KCNT2: variants seen among roughly 807,000 people sequenced by gnomAD.
KCNT2 encodes potassium channel subfamily T member 2.
In KCNT2, 67 loss-of-function variants were observed where a neutral mutation model predicts 153.8. The ratio of observed to expected loss-of-function variants is 0.44; its 90% CI spans 0.36 to 0.53. The LOEUF is 0.53. KCNT2 is among the 20% of genes least tolerant of loss of function. The pLI, the probability that KCNT2 is intolerant of heterozygous loss-of-function variation, is 0.00. For synonymous variants in KCNT2, 500 were observed against 458.8 expected (o/e 1.09, Z -1.15); for missense variants, 975 against 1,354.8 (o/e 0.72, Z 4.40).
At chr1:196,272,700 C>T (rs1287111670) in intron 25 of KCNT2, among the ~76,000 whole-genome samples, 4 of 151,882 alleles carry the variant, frequency 2.6e-5, no homozygotes, top group African/African-American at 9.7e-5. Context: ...AAACTATAAA[C>T]ATCTTTTGTA....
At chr1:196,382,448 T>G (rs550176053) in intron 13 of KCNT2, among the ~76,000 whole-genome samples, 1 of 152,008 alleles carries the variant, frequency 6.6e-6, no homozygotes, top group Non-Finnish European at 1.5e-5. Flanking sequence ...AAAAGTTGTT[T>G]GAAAGGTGAA....
intron 23 of KCNT2, 114 bp downstream of exon 23, chr1:196,285,543 G>T: frequency 8.7e-6 from 5 of 575,602 alleles, no homozygotes; most frequent in South Asian, 5.5e-5. Flanking sequence ...ATTACTTTTG[G>T]AGCCAATTTT....
chr1:196,374,541 C>T (rs1377989156), intron 13 of KCNT2, among the ~76,000 whole-genome samples: 1 of 151,582 alleles, frequency 6.6e-6, no homozygotes, highest in Admixed American at 6.6e-5. Flanking sequence ...CTCCCCACAC[C>T]CACTTGTCAA....
chr1:196,390,685 C>T (rs987821241), intron 13 of KCNT2, among the ~76,000 whole-genome samples: 4 of 141,572 alleles, frequency 2.8e-5, no homozygotes, highest in Non-Finnish European at 6.4e-5. Flanking sequence ...TATTCTCACA[C>T]TACTTCTCCA....
At chr1:196,405,958 C>T (rs1212234872) in intron 12 of KCNT2, among the ~76,000 whole-genome samples, 2 of 151,398 alleles carry the variant, frequency 1.3e-5, no homozygotes, top group East Asian at 1.9e-4. Flanking sequence ...GGAGAACAAA[C>T]CTGTCTTGAA....
At chr1:196,339,748 T>C (rs1358836183) in intron 16 of KCNT2, among the ~76,000 whole-genome samples, 2 of 152,124 alleles carry the variant, frequency 1.3e-5, no homozygotes, top group Non-Finnish European at 2.9e-5. Flanking sequence ...GGTTTGTAGA[T>C]GGTTTGGAGG....
At chr1:196,570,428 G>A (rs1224135018) in intron 1 of KCNT2, among the ~76,000 whole-genome samples, 1 of 152,056 alleles carries the variant, frequency 6.6e-6, no homozygotes, top group Non-Finnish European at 1.5e-5. Context: ...AATGTGCAAA[G>A]GAAGAGAGTT....
chr1:196,388,964 T>C (rs529156340), intron 13 of KCNT2, among the ~76,000 whole-genome samples: 3 of 151,918 alleles, frequency 2.0e-5, no homozygotes, highest in South Asian at 4.1e-4. Context: ...TATTAGAGTT[T>C]AGTACTCAGC....
intron 1 of KCNT2, among the ~76,000 whole-genome samples, chr1:196,523,660 T>C (rs190527137): frequency 1.6e-4 from 25 of 152,288 alleles, no homozygotes; most frequent in Middle Eastern, 3.4e-3. Context: ...AAAACTTCTA[T>C]TGGGTCTCAA....
intron 8 of KCNT2, among the ~76,000 whole-genome samples, chr1:196,434,408 T>C (rs1362994167): frequency 6.6e-6 from 1 of 151,988 alleles, no homozygotes; most frequent in Non-Finnish European, 1.5e-5. Context: ...TTCAAATATA[T>C]ATTTTCTAGA....
At chr1:196,591,729 A>G (rs1663386476) in intron 1 of KCNT2, among the ~76,000 whole-genome samples, 1 of 152,172 alleles carries the variant, frequency 6.6e-6, no homozygotes, top group Non-Finnish European at 1.5e-5. Context: ...TCCTTCAAGT[A>G]CTTCTTATGC....
At chr1:196,262,734 A>G (rs957076579) in intron 25 of KCNT2, among the ~76,000 whole-genome samples, 7 of 152,124 alleles carry the variant, frequency 4.6e-5, no homozygotes, top group African/African-American at 1.7e-4. Flanking sequence ...AGCTAGTTAC[A>G]CTGTATATTG....
At chr1:196,331,356 T>A (rs1572063939) in intron 17 of KCNT2, 95 bp from the exon 18 acceptor site, 1 of 743,332 alleles carries the variant, frequency 1.3e-6, no homozygotes, top group East Asian at 2.5e-5. Flanking sequence ...AACATTATAA[T>A]CAATACCTCT....
intron 18 of KCNT2, 75 bp from the exon 19 acceptor site, chr1:196,326,964 G>A: frequency 1.3e-6 from 1 of 797,778 alleles, no homozygotes; most frequent in South Asian, 1.8e-5. Context: ...TAAGCTATAG[G>A]AAAATGTAAA....
At chr1:196,337,090 G>T (rs188296289) in intron 16 of KCNT2, among the ~76,000 whole-genome samples, 1 of 151,802 alleles carries the variant, frequency 6.6e-6, no homozygotes, top group Non-Finnish European at 1.5e-5. Flanking sequence ...CTGAAATCTA[G>T]ACTCTTACAT....
chr1:196,347,851 C>T (rs1277859817), intron 14 of KCNT2, among the ~76,000 whole-genome samples: 2 of 152,126 alleles, frequency 1.3e-5, no homozygotes, highest in African/African-American at 4.8e-5. Context: ...TCTTGACCCT[C>T]AGCTTAATCA....
At chr1:196,455,592 A>T (rs1398496998) in intron 8 of KCNT2, among the ~76,000 whole-genome samples, 1 of 151,688 alleles carries the variant, frequency 6.6e-6, no homozygotes, top group South Asian at 2.1e-4. Flanking sequence ...TATAGTATTG[A>T]TTAGTTATTC....
intron 26 of KCNT2, among the ~76,000 whole-genome samples, chr1:196,255,683 G>C (rs1021401041): frequency 1.3e-5 from 2 of 151,866 alleles, no homozygotes; most frequent in Non-Finnish European, 3.0e-5. Flanking sequence ...ATTTCAGGTA[G>C]TTTGGATCAG....
intron 11 of KCNT2, among the ~76,000 whole-genome samples, chr1:196,423,328 TTAA>T (rs1232590600): frequency 6.6e-6 from 1 of 151,960 alleles, no homozygotes; most frequent in Non-Finnish European, 1.5e-5. Flanking sequence ...CTATTATAAC[TTAA>T]TGTTTTATGA....
Sources: allele counts gnomAD v4.1 joint callset (sites outside exome capture counted in the v4.1 genomes callset), GRCh38; gene constraint gnomAD v4.1.1; transcripts MANE v1.5; gene names NCBI Gene and HGNC (gene_info 2026-07-23, HGNC 2026-07-21).